RAC3: variants seen among roughly 807,000 people sequenced by gnomAD.
RAC3 encodes the protein Rac family small GTPase 3, also known as ras-related C3 botulinum toxin substrate 3.
A neutral mutation model predicts 19.0 loss-of-function variants in RAC3; 9 were observed. The observed-to-expected ratio is 0.47, with a 90% CI of 0.29 to 0.83. The LOEUF (loss-of-function observed/expected upper bound fraction) is 0.83. RAC3 is among the 40% of genes least tolerant of loss of function. The pLI, the probability that RAC3 is intolerant of heterozygous loss-of-function variation, is 0.09. For synonymous variants in RAC3, 146 were observed against 111.8 expected (o/e 1.31, Z -1.93); for missense variants, 203 against 260.8 (o/e 0.78, Z 1.53).
intron 1 of RAC3, 45 bp downstream of exon 1, chr17:82,031,841 G>C (rs868368146): frequency 6.7e-6 from 6 of 889,278 alleles, no homozygotes; most frequent in Non-Finnish European, 8.1e-6. Flanking sequence ...TGGGCGGGAG[G>C]GGGGCTCGGG....
In RAC3 at chr17:82,033,662, C is replaced by T. The variant is rs767443301; in HGVS notation, c.449-37C>T. 3.9e-5 allele frequency: 62 copies of T among 1,605,900 alleles called. No individual in the cohort carries two copies. The South Asian group carries it at 6.0e-4, about 15-fold the overall frequency. Reference sequence around the variant, plus strand: ...GAGGCGCAGTAAGGGCCTCCCTGTACCCCACCCTCACTGTCTCCCCTCCTC... The same window carrying T: ...GAGGCGCAGTAAGGGCCTCCCTGTATCCCACCCTCACTGTCTCCCCTCCTC... On this transcript the variant is annotated intron_variant, in intron 5 of 5. Transcript: ENST00000306897. The surrounding 1 kb of genome is among the most constrained non-coding windows in gnomAD (Gnocchi z 6.2).
chr17:82,031,792 G>T lies in RAC3; in HGVS notation c.31G>T (p.Asp11Tyr). ...GGCCATCAAGTGCGTGGTGGTCGGC[G>T]ACGGGTGAGTGCGCGGCCCGGAGGC... MQAIKCVVVG[D>Y]GAVGKTCLLI... is the part of the protein sequence containing the mutation. The change falls in exon 1 of 6, where the codon GAC (aspartate) becomes TAC (tyrosine). Residue 11 changes from aspartate (D) to tyrosine (Y), a missense_variant. Transcript: ENST00000306897. 1.0e-6 allele frequency: 1 copy of T among 995,806 alleles called. No homozygotes were observed. The highest frequency in any genetic ancestry group is 4.3e-5 in the South Asian group (1 of 23,110). The allele number at this position is 995,806 out of a possible 1,614,324, so 61.7% of individuals were successfully genotyped here.
intron 1 of RAC3, chr17:82,032,062 C>T (rs2043436131): frequency 7.0e-6 from 2 of 285,420 alleles, no homozygotes; most frequent in Non-Finnish European, 1.3e-5. Flanking sequence ...CCGCCCTGTC[C>T]TCCCAGTGGG....
In RAC3 at chr17:82,032,417, C is replaced by T. The variant is rs1316036468; in HGVS notation, c.66C>T (p.Ser22=). ...GAVGKTCLLI[S]YTTNAFPGEY... ...TGGGGAAGACATGCTTGCTGATCAG[C>T]TACACGACCAACGCCTTCCCCGGAG... Residue 22 remains serine (S), a synonymous_variant, in exon 2 of 6, where the codon AGC becomes AGT. Transcript: ENST00000306897. The T allele has an allele frequency of 1.2e-6, 2 of 1,612,894 alleles. No homozygotes were observed. The highest frequency in any genetic ancestry group is 1.7e-6 in the Non-Finnish European group (2 of 1,179,968).
chr17:82,032,906 GA>G, intron 3 of RAC3, 40 bp from the exon 4 acceptor site: 2 of 1,610,508 alleles, frequency 1.2e-6, no homozygotes, highest in South Asian at 1.1e-5. Context: ...GGGCCCTGGG[GA>G]GCCCCTGACC....
chr17:82,032,732 C>A lies in RAC3; in HGVS notation c.129C>A (p.Asn43Lys). 6.2e-7 allele frequency: 1 copy of A among 1,613,102 alleles called. No homozygotes were observed. The highest frequency in any genetic ancestry group is 8.5e-7 in the Non-Finnish European group (1 of 1,179,986). Residue 43 changes from asparagine to lysine, a missense_variant, in exon 3 of 6, where the codon AAC (asparagine) becomes AAA (lysine). Physicochemically the swap from Asn to Lys is moderately conservative, Grantham distance 94. Transcript: ENST00000306897. ...IPTVFDNYSA[N>K]VMVDGKPVNL... ...GCAGTTTTGACAACTACTCTGCCAA[C>A]GTGATGGTGGACGGGAAACCAGTCA... is the stretch of plus-strand genomic sequence containing the variant.
Position 82,033,343 on chromosome 17 carries a change from TG to T in RAC3, c.289-95del, listed in dbSNP as rs2043451579. On this transcript the variant is annotated intron_variant, in intron 4 of 5. Coordinates refer to ENST00000306897, the MANE Select transcript of RAC3 (RefSeq NM_005052.3). This position sits in a 1 kb window ranked among gnomAD's most constrained non-coding sequence, Gnocchi z 6.2. Reference sequence around the variant, plus strand: ...AAGGAAGAAGAGCCAAGTGTAGCTCTGGAACAGTGGGGAAAGTCCCTGAGGG... The same window carrying T: ...AAGGAAGAAGAGCCAAGTGTAGCTCTGAACAGTGGGGAAAGTCCCTGAGGG... The T allele has an allele frequency of 1.5e-6, 2 of 1,354,184 alleles. No individual in the cohort carries two copies. The highest frequency in any genetic ancestry group is 1.5e-5 in the South Asian group (1 of 67,416). The allele number at this position is 1,354,184 out of a possible 1,614,324, so 83.9% of individuals were successfully genotyped here. A position where few individuals can be genotyped will look rare whatever the true frequency, so the allele number is the denominator to read the frequency against.
chr17:82,032,587 G>A, intron 2 of RAC3, 124 bp from the exon 3 acceptor site: 2 of 1,433,862 alleles, frequency 1.4e-6, no homozygotes, highest in East Asian at 4.6e-5. Flanking sequence ...TTCCCGGCTG[G>A]AGCTGAGGTG....
rs2043461035 is a variant in RAC3 at position 82,034,067 on chromosome 17, CA to C, written c.*239del. The stretch of plus-strand genomic sequence containing the variant: ...GGCCGGGAGGGAGCAGGGTCTCCCT[CA>C]GGGCTGCAGGGGCAGGTGCAGGGAA... On this transcript the variant is annotated 3_prime_UTR_variant, in exon 6 of 6. Transcript: ENST00000306897. 1 of 169,566 alleles carries C rather than the reference CA, an allele frequency of 5.9e-6. No individual in the cohort carries two copies. Among genetic ancestry groups the C allele is most frequent in the Admixed American group, 9.2e-5 (1 of 10,864 alleles). The allele number at this position is 169,566 out of a possible 1,614,324, so 10.5% of individuals were successfully genotyped here. A position where few individuals can be genotyped will look rare whatever the true frequency, so the allele number is the denominator to read the frequency against.
rs2043451707 is a variant in RAC3 at position 82,033,355 on chromosome 17, G to A, written c.289-85G>A. ...CCAAGTGTAGCTCTGGAACAGTGGG[G>A]AAAGTCCCTGAGGGCCGTGACTTGC... On this transcript the variant is annotated intron_variant, in intron 4 of 5. Transcript: ENST00000306897. This position sits in a 1 kb window ranked among gnomAD's most constrained non-coding sequence, Gnocchi z 6.2. The A allele has an allele frequency of 7.1e-7, 1 of 1,409,272 alleles. No homozygotes were observed. Among genetic ancestry groups the A allele is most frequent in the East Asian group, 2.4e-5 (1 of 41,122 alleles). The allele number at this position is 1,409,272 out of a possible 1,614,324, so 87.3% of individuals were successfully genotyped here. A position where few individuals can be genotyped will look rare whatever the true frequency, so the allele number is the denominator to read the frequency against.
In RAC3 at chr17:82,033,622, C is replaced by A; in HGVS notation, c.448+23C>A. 3.1e-6 allele frequency: 5 copies of A among 1,603,494 alleles called. No homozygotes were observed. ...TTGGTGGGTAGGCGCTGGCGGCCTGCAGGGGAGGGGTGGGGAGGCGCAGTA... is the reference window on the plus strand; with the variant it reads ...TTGGTGGGTAGGCGCTGGCGGCCTGAAGGGGAGGGGTGGGGAGGCGCAGTA... On this transcript the variant is annotated intron_variant, in intron 5 of 5. Transcript: ENST00000306897. The surrounding 1 kb of genome is among the most constrained non-coding windows in gnomAD (Gnocchi z 6.2).
intron 1 of RAC3, 95 bp from the exon 2 acceptor site, chr17:82,032,292 C>T (rs923211083): frequency 7.0e-6 from 9 of 1,283,588 alleles, no homozygotes; most frequent in Non-Finnish European, 1.0e-5. Context: ...CCAGACGCCC[C>T]TAACTCGCCT....
Position 82,033,989 on chromosome 17 carries a change from C to A in RAC3, c.*160C>A. The A allele has an allele frequency of 1.1e-6, 1 of 952,068 alleles. No individual in the cohort carries two copies. The highest frequency in any genetic ancestry group is 1.5e-6 in the Non-Finnish European group (1 of 664,412). The allele number at this position is 952,068 out of a possible 1,614,324, so 59.0% of individuals were successfully genotyped here. ...AGGCTGGGTGGCAGGATCCTGTCCTCTCTGCCGCCTCATTCTGGGGTGTGG... is the reference window on the plus strand; with the variant it reads ...AGGCTGGGTGGCAGGATCCTGTCCTATCTGCCGCCTCATTCTGGGGTGTGG... On this transcript the variant is annotated 3_prime_UTR_variant, in exon 6 of 6. Transcript: ENST00000306897. This position sits in a 1 kb window ranked among gnomAD's most constrained non-coding sequence, Gnocchi z 6.2.
In RAC3 at chr17:82,033,120, C is replaced by T. The variant is rs184862089; in HGVS notation, c.288+111C>T. Reference sequence around the variant, plus strand: ...ACGGGTTCTGCCTGGGGTAGGCACACGGAGTGGGGTCTGAAGATGACCATG... The same window carrying T: ...ACGGGTTCTGCCTGGGGTAGGCACATGGAGTGGGGTCTGAAGATGACCATG... On this transcript the variant is annotated intron_variant, in intron 4 of 5. Coordinates refer to ENST00000306897, the MANE Select transcript of RAC3 (RefSeq NM_005052.3). The surrounding 1 kb of genome is among the most constrained non-coding windows in gnomAD (Gnocchi z 6.2). 39 of 1,229,328 alleles carry T rather than the reference C, an allele frequency of 3.2e-5. No homozygotes were observed. Among genetic ancestry groups the T allele is most frequent in the South Asian group, 2.2e-4 (18 of 80,678 alleles). 76.2% of individuals were successfully genotyped at this position (1,229,328 alleles called of 1,614,324 possible).
At position 82,032,342 on chromosome 17, in the gene RAC3, G is replaced by A. The variant is rs1214772330; in HGVS notation, c.36-45G>A. On this transcript the variant is annotated intron_variant, in intron 1 of 5. Transcript: ENST00000306897. ...GGGGGCTGCCCTTGCTGGGCAGAGGGTCCGAGGCCGGGCCCGGGAGCCACG... is the reference window on the plus strand; with the variant it reads ...GGGGGCTGCCCTTGCTGGGCAGAGGATCCGAGGCCGGGCCCGGGAGCCACG... 7.0e-5 allele frequency: 112 copies of A among 1,599,594 alleles called. 1 individual carries two copies. In the Admixed American group the frequency reaches 1.9e-3, roughly 27 times the overall value.
At chr17:82,032,344 C>T (rs936373005) in intron 1 of RAC3, 43 bp from the exon 2 acceptor site, 2 of 1,603,094 alleles carry the variant, frequency 1.2e-6, no homozygotes, top group Non-Finnish European at 8.5e-7. Flanking sequence ...GGCAGAGGGT[C>T]CGAGGCCGGG....
rs1284599000 is a variant in RAC3 at position 82,031,721 on chromosome 17, C to T, written c.-41C>T. The T allele has an allele frequency of 4.1e-6, 4 of 984,950 alleles. No individual in the cohort carries two copies. The highest frequency in any genetic ancestry group is 4.8e-6 in the Non-Finnish European group (4 of 830,724). The allele number at this position is 984,950 out of a possible 1,614,324, so 61.0% of individuals were successfully genotyped here. On this transcript the variant is annotated 5_prime_UTR_variant, in exon 1 of 6. Transcript: ENST00000306897. ...TGCGGCGCCGGGCATTTCTCCGCAG[C>T]TCGGCTCGCGGCCGCGCCCGCCGCC...
At position 82,034,162 on chromosome 17, in the gene RAC3, G is replaced by T; in HGVS notation, c.*333G>T. On this transcript the variant is annotated 3_prime_UTR_variant, in exon 6 of 6. Coordinates refer to ENST00000306897, the MANE Select transcript of RAC3 (RefSeq NM_005052.3). ...TCTGTTCCTTGTGCCCCGAGGTGGG[G>T]CAGCCCCTTCTCATTTTATACAATA... is the stretch of plus-strand genomic sequence containing the variant. 1 of 246,490 alleles carries T rather than the reference G, an allele frequency of 4.1e-6. No individual in the cohort carries two copies. The highest frequency in any genetic ancestry group is 2.2e-5 in the African/African-American group (1 of 44,454). 15.3% of individuals were successfully genotyped at this position (246,490 alleles called of 1,614,324 possible).
At position 82,033,591 on chromosome 17, in the gene RAC3, G is replaced by A. The variant is rs763981217; in HGVS notation, c.440G>A (p.Arg147Gln). ...TACCCACAGGGCCTGGCCATGGCCC[G>A]GGAGATTGGTGGGTAGGCGCTGGCG... ...ITYPQGLAMA[R>Q]EIGSVKYLEC... The change falls in exon 5 of 6, where the codon CGG becomes CAG. Residue 147 changes from arginine to glutamine, a missense_variant. Physicochemically the swap from Arg to Gln is conservative, Grantham distance 43. Around this residue, in one of 3 missense-constraint regions of RAC3, gnomAD observed 142 missense variants for 158.2 expected, o/e 0.90. Transcript: ENST00000306897. This position sits in a 1 kb window ranked among gnomAD's most constrained non-coding sequence, Gnocchi z 6.2. 8 of 1,609,980 alleles carry A rather than the reference G, an allele frequency of 5.0e-6. No individual in the cohort carries two copies. Among genetic ancestry groups the A allele is most frequent in the South Asian group, 1.1e-5 (1 of 90,884 alleles).
Sources: allele counts gnomAD v4.1 joint callset, GRCh38; gene constraint gnomAD v4.1.1; regional missense constraint gnomAD v4.1.1; non-coding constraint Gnocchi (gnomAD v3.1); transcripts MANE v1.5; gene names NCBI Gene and HGNC (gene_info 2026-07-23, HGNC 2026-07-21).